Variants in ZNF236 observed in about 807,000 individuals in gnomAD.
ZNF236 encodes the protein zinc finger protein 236.
ZNF236 carries 50 observed loss-of-function variants against 191.2 expected under a neutral mutation model. The ratio of observed to expected loss-of-function variants is 0.26; its 90% CI spans 0.21 to 0.33. ZNF236 has a LOEUF of 0.33. ZNF236 is among the 10% of genes least tolerant of loss of function. ZNF236 has a pLI of 1.00. For synonymous variants in ZNF236, 907 were observed against 928.8 expected (o/e 0.98, Z 0.43); for missense variants, 1,754 against 2,374.5 (o/e 0.74, Z 5.43).
At chr18:76,840,593 G>T (rs544829180) in intron 1 of ZNF236, among the ~76,000 whole-genome samples, 1 of 148,516 alleles carries the variant, frequency 6.7e-6, no homozygotes, top group South Asian at 2.1e-4. Flanking sequence ...GACAAAATTA[G>T]CATTGAAAGA....
At chr18:76,947,290 A>G (rs769379833) in intron 26 of ZNF236, among the ~76,000 whole-genome samples, 8 of 152,038 alleles carry the variant, frequency 5.3e-5, no homozygotes, top group Admixed American at 6.6e-5. Context: ...GTTGATGGGC[A>G]TTTGGGCTGT....
chr18:76,948,245 C>A (rs470905), intron 27 of ZNF236, among the ~76,000 whole-genome samples: 1 of 151,936 alleles, frequency 6.6e-6, no homozygotes, highest in Non-Finnish European at 1.5e-5. Context: ...GATGAATAAT[C>A]TCTGAATTTA....
At chr18:76,884,361 A>T (rs1187866069) in intron 9 of ZNF236, among the ~76,000 whole-genome samples, 1 of 151,344 alleles carries the variant, frequency 6.6e-6, no homozygotes, top group Non-Finnish European at 1.5e-5. Flanking sequence ...AGATCATGCC[A>T]TTGGACTCCA....
In ZNF236 at chr18:76,908,576, A is replaced by G. The variant is rs1252026975; in HGVS notation, c.2551+3A>G. On this transcript the variant is annotated splice_donor_region_variant and intron_variant, in intron 14 of 30. Coordinates refer to ENST00000320610, the MANE Select transcript of ZNF236 (RefSeq NM_001306089.2). ...TCAGCCCCTGGAAGCAGATGAAGGT[A>G]AATGTTTCAGGATATTTAACTTTGA... The G allele has an allele frequency of 1.3e-6, 2 of 1,599,454 alleles. No homozygotes were observed. The highest frequency in any genetic ancestry group is 2.2e-5 in the South Asian group (2 of 90,704).
chr18:76,866,764 A>C (rs1207360197), intron 3 of ZNF236, among the ~76,000 whole-genome samples: 1 of 152,172 alleles, frequency 6.6e-6, no homozygotes, highest in Non-Finnish European at 1.5e-5. Flanking sequence ...GCCTGTGACT[A>C]TACATGGGGT....
intron 1 of ZNF236, among the ~76,000 whole-genome samples, chr18:76,847,319 CTG>C (rs1369514135): frequency 6.6e-6 from 1 of 152,132 alleles, no homozygotes; most frequent in East Asian, 1.9e-4. Flanking sequence ...ACACTTGTAA[CTG>C]TGTTCTGAAA....
In ZNF236 at chr18:76,835,275, C is replaced by G. The variant is rs190380476; in HGVS notation, c.55+12613C>G. ...CTTGGGTTGTTGTCAGAGAACTTAC[C>G]TTGAGTTATTTAATTATTTGAAAAC... is the stretch of plus-strand genomic sequence containing the variant. On this transcript the variant is annotated intron_variant, in intron 1 of 30. Transcript: ENST00000320610. Among the ~76,000 whole-genome samples, 6 of 152,112 alleles carry G rather than the reference C, an allele frequency of 3.9e-5. No individual in the cohort carries two copies. The East Asian group carries it at 1.2e-3, about 29-fold the overall frequency.
chr18:76,899,216 G>T lies in ZNF236; in HGVS notation c.1888G>T (p.Asp630Tyr). The T allele has an allele frequency of 6.2e-7, 1 of 1,612,740 alleles. No individual in the cohort carries two copies. Among genetic ancestry groups the T allele is most frequent in the South Asian group, 1.1e-5 (1 of 90,970 alleles). Residue 630 changes from aspartate to tyrosine, a missense_variant, in exon 11 of 31, where the codon GAC becomes TAC. Coordinates refer to ENST00000320610, the MANE Select transcript of ZNF236 (RefSeq NM_001306089.2). ...IPLQEPILIT[D>Y]LGLIQPIPKN... ...TTTGCAGGAACCAATCCTCATAACT[G>T]ACTTAGGTAAGATGGATTGTAGGGC...
rs575964599 is a variant in ZNF236, at chr18:76,925,633, A to C, written c.4027+79A>C. On this transcript the variant is annotated intron_variant, in intron 22 of 30. Transcript: ENST00000320610. The surrounding 1 kb of genome is among the most constrained non-coding windows in gnomAD (Gnocchi z 5.7). ...CTGCTTCTGTCTGTTCCCACGACAG[A>C]AGAGATGTTGTTTACCGTAGCACCA... 7.9e-6 allele frequency: 12 copies of C among 1,523,506 alleles called. No homozygotes were observed. The South Asian group carries it at 1.3e-4, about 16-fold the overall frequency. 94.4% of individuals were successfully genotyped at this position (1,523,506 alleles called of 1,614,324 possible).
chr18:76,834,977 T>TG (rs1012755291), intron 1 of ZNF236: 4 of 138,242 alleles, frequency 2.9e-5, no homozygotes, highest in Non-Finnish European at 6.4e-5. Context: ...TTTTATTTTC[T>TG]GTTTTTTTTT....
At chr18:76,955,128 G>C (rs1013291856) in intron 27 of ZNF236, among the ~76,000 whole-genome samples, 2 of 152,122 alleles carry the variant, frequency 1.3e-5, no homozygotes, top group African/African-American at 4.8e-5. Flanking sequence ...AGCTGAGTCA[G>C]CCAGGTACAG....
chr18:76,893,512 C>CT (rs1977308722), intron 9 of ZNF236, among the ~76,000 whole-genome samples: 1 of 151,744 alleles, frequency 6.6e-6, no homozygotes, highest in African/African-American at 2.4e-5. Flanking sequence ...CCTTTCTTTC[C>CT]TTTTTTTCTT....
chr18:76,859,805 G>A (rs999429508), intron 3 of ZNF236, among the ~76,000 whole-genome samples: 2 of 152,136 alleles, frequency 1.3e-5, no homozygotes, highest in Non-Finnish European at 2.9e-5. Flanking sequence ...TGGGGCTGAG[G>A]CCTTAGAGCC....
chr18:76,929,513 A>G (rs775136710), intron 25 of ZNF236, among the ~76,000 whole-genome samples: 1 of 152,162 alleles, frequency 6.6e-6, no homozygotes, highest in Non-Finnish European at 1.5e-5. Context: ...AGTTAAGAAA[A>G]TGTATTCTTC....
chr18:76,828,927 G>T (rs1348401765), intron 1 of ZNF236, among the ~76,000 whole-genome samples: 3 of 152,162 alleles, frequency 2.0e-5, no homozygotes, highest in Non-Finnish European at 4.4e-5. Context: ...TGGCCTCCCA[G>T]TGTTAGGATT....
At chr18:76,941,739 G>A (rs957825827) in intron 26 of ZNF236, among the ~76,000 whole-genome samples, 37 of 152,118 alleles carry the variant, frequency 2.4e-4, no homozygotes, top group Admixed American at 1.3e-3. Flanking sequence ...ATTCTTTTCT[G>A]TACTTTAAAA....
intron 3 of ZNF236, among the ~76,000 whole-genome samples, chr18:76,864,570 CAAAAAG>C (rs1220774454): frequency 6.6e-6 from 1 of 151,710 alleles, no homozygotes; most frequent in Non-Finnish European, 1.5e-5. Context: ...AACCCTAACA[CAAAAAG>C]AATAAGTAAG....
chr18:76,910,891 T>C, intron 16 of ZNF236, 80 bp downstream of exon 16: 1 of 1,524,584 alleles, frequency 6.6e-7, no homozygotes, highest in Non-Finnish European at 8.9e-7. Flanking sequence ...ATTAAAAATT[T>C]CCTTAAGGGA....
intron 11 of ZNF236, 80 bp downstream of exon 11, chr18:76,899,302 A>G (rs2122721634): frequency 8.0e-7 from 1 of 1,255,494 alleles, no homozygotes; most frequent in East Asian, 2.4e-5. Context: ...TACACACATT[A>G]TGGTCTCTGT....
Sources: gnomAD v4.1 joint callset for allele counts (sites outside exome capture counted in the v4.1 genomes callset) on GRCh38, gnomAD v4.1.1 for gene constraint, Gnocchi (gnomAD v3.1) non-coding constraint, MANE v1.5 for transcripts, NCBI Gene and HGNC (gene_info 2026-07-23, HGNC 2026-07-21) for gene names.